The following PRELID2 variants were observed in gnomAD, a reference collection of about 807,000 sequenced individuals.
The protein encoded by PRELID2 is PRELI domain containing 2, also known as PRELI domain-containing protein 2.
In PRELID2, 25 loss-of-function variants were observed where a neutral mutation model predicts 28.4. The observed-to-expected ratio is 0.88, with a 90% CI of 0.64 to 1.23. PRELID2 has a LOEUF of 1.23. Among genes scored for constraint, PRELID2 ranks in the 50% most tolerant of loss-of-function variants. PRELID2 has a pLI of 0.00. For missense variants in PRELID2, 201 were observed against 214.4 expected (o/e 0.94, Z 0.39); for synonymous variants, 76 against 71.6 (o/e 1.06, Z -0.31).
the PRELID2 span, among the ~76,000 whole-genome samples, chr5:145,447,870 A>G: frequency 3.4e-5 from 5 of 147,912 alleles, no homozygotes; most frequent in African/African-American, 1.0e-4. Flanking sequence ...CCAGTCTATC[A>G]TTGTTGGACA....
rs369429281 is a variant in PRELID2, at chr5:145,824,425, C to CGTGTGTGTGTGTGT, written c.76-1305_76-1292dup. On this transcript the variant is annotated intron_variant, in intron 1 of 6. Transcript: ENST00000683046. Reference sequence around the variant, plus strand: ...ACTGTGGGTCTCCACCCACAGCAGGCGTGTGTGTGTGTGTGTGTGTGTGTG... The same window carrying CGTGTGTGTGTGTGT: ...ACTGTGGGTCTCCACCCACAGCAGGCGTGTGTGTGTGTGTGTGTGTGTGTGTGTGTGTGTGTGTG... Among the ~76,000 whole-genome samples the CGTGTGTGTGTGTGT allele has an allele frequency of 4.8e-3, 459 of 96,232 alleles. 4 individuals carry two copies. The highest frequency in any genetic ancestry group is 7.3e-3 in the African/African-American group (241 of 32,932). The allele number at this position is 96,232 out of a possible 152,430, so 63.1% of individuals were successfully genotyped here.
intron 1 of PRELID2, among the ~76,000 whole-genome samples, chr5:145,586,491 T>C (rs1264460357): frequency 6.6e-6 from 1 of 152,050 alleles, no homozygotes. Flanking sequence ...AAAGAAAAAT[T>C]AATAACATTG....
At position 145,508,370 on chromosome 5, in the gene PRELID2, T is replaced by A. The variant is rs1173658447; in HGVS notation, n.71-35055A>T. Among the ~76,000 whole-genome samples, 6 of 152,156 alleles carry A rather than the reference T, an allele frequency of 3.9e-5. No individual in the cohort carries two copies. In the East Asian group the frequency reaches 7.7e-4, roughly 20 times the overall value. On this transcript the variant is annotated intron_variant and non_coding_transcript_variant, in intron 1 of 2. Transcript: ENST00000510259. ...GTTGAAGTTGAAATAAACAGACATATAGTTGTATATGCTTAGAAAAGTTTT... is the reference window on the plus strand; with the variant it reads ...GTTGAAGTTGAAATAAACAGACATAAAGTTGTATATGCTTAGAAAAGTTTT...
At chr5:145,457,004 A>G in the PRELID2 span, among the ~76,000 whole-genome samples, 2 of 152,332 alleles carry the variant, frequency 1.3e-5, no homozygotes, top group East Asian at 1.9e-4. Flanking sequence ...AGATAATATA[A>G]TCACCTAAGA....
chr5:145,724,700 A>C (rs1399124412), intron 1 of PRELID2, among the ~76,000 whole-genome samples: 1 of 137,368 alleles, frequency 7.3e-6, no homozygotes, highest in Non-Finnish European at 1.6e-5. Flanking sequence ...AAATGAATGT[A>C]TGTGTATACA....
At chr5:145,809,037 T>C (rs1022335910) in intron 4 of PRELID2, among the ~76,000 whole-genome samples, 1 of 115,274 alleles carries the variant, frequency 8.7e-6, no homozygotes, top group African/African-American at 3.5e-5. Context: ...TTTTTTTTGC[T>C]TTTTTTTTTT....
At chr5:145,551,607 T>C (rs1415140092) in intron 1 of PRELID2, among the ~76,000 whole-genome samples, 1 of 152,192 alleles carries the variant, frequency 6.6e-6, no homozygotes, top group Non-Finnish European at 1.5e-5. Context: ...ATGATCATTC[T>C]ATTTTGGAAA....
chr5:145,501,308 A>T (rs1368641498), intron 1 of PRELID2, among the ~76,000 whole-genome samples: 1 of 152,128 alleles, frequency 6.6e-6, no homozygotes, highest in Non-Finnish European at 1.5e-5. Context: ...CTGCTACTTG[A>T]TTTAAAAGGT....
chr5:145,417,576 T>C, the PRELID2 span, among the ~76,000 whole-genome samples: 12 of 152,164 alleles, frequency 7.9e-5, no homozygotes, highest in Non-Finnish European at 1.6e-4. Flanking sequence ...ATCCCCAGGA[T>C]GCAAGGTTGG....
intron 1 of PRELID2, among the ~76,000 whole-genome samples, chr5:145,708,194 A>G (rs1755598194): frequency 6.6e-6 from 1 of 151,952 alleles, no homozygotes; most frequent in Admixed American, 6.6e-5. Flanking sequence ...TCCCTGTTTT[A>G]TATGTTGGGC....
exon 3 of PRELID2, chr5:145,472,010 G>C (rs1752059055): frequency 6.6e-6 from 1 of 152,112 alleles, no homozygotes; most frequent in Non-Finnish European, 1.5e-5. Flanking sequence ...TTCTGCTGAG[G>C]ATTCAGTTCC....
intron 1 of PRELID2, among the ~76,000 whole-genome samples, chr5:145,630,799 G>C (rs1399502097): frequency 6.6e-6 from 1 of 152,076 alleles, no homozygotes. Flanking sequence ...TCACCTTTTA[G>C]GTCAACATAT....
intron 4 of PRELID2, among the ~76,000 whole-genome samples, chr5:145,804,466 C>T (rs370657792): frequency 1.3e-3 from 197 of 152,174 alleles, no homozygotes; most frequent in African/African-American, 4.3e-3. Flanking sequence ...GCCGAGATCA[C>T]GCCATTGCAC....
At chr5:145,407,195 C>A in the PRELID2 span, among the ~76,000 whole-genome samples, 1 of 152,172 alleles carries the variant, frequency 6.6e-6, no homozygotes, top group African/African-American at 2.4e-5. Context: ...GCTTTCTCAG[C>A]AGGAAGGCTT....
At chr5:145,615,977 G>A (rs902937671) in intron 1 of PRELID2, among the ~76,000 whole-genome samples, 1 of 152,176 alleles carries the variant, frequency 6.6e-6, no homozygotes, top group African/African-American at 2.4e-5. Flanking sequence ...GAAAAAGACT[G>A]TATCTTTCCT....
chr5:145,532,504 C>T (rs1752661969), intron 1 of PRELID2, among the ~76,000 whole-genome samples: 1 of 152,062 alleles, frequency 6.6e-6, no homozygotes, highest in Non-Finnish European at 1.5e-5. Context: ...CTCTTAGTGA[C>T]TGTCAAGTAT....
intron 1 of PRELID2, among the ~76,000 whole-genome samples, chr5:145,566,086 A>G (rs17103398): frequency 0.07 from 10,711 of 152,182 alleles, 581 homozygotes; most frequent in Admixed American, 0.19. Flanking sequence ...AAAGCTTGGC[A>G]ATAATAATAA....
intron 4 of PRELID2, among the ~76,000 whole-genome samples, chr5:145,808,275 T>C (rs1395145670): frequency 6.6e-6 from 1 of 152,038 alleles, no homozygotes; most frequent in Non-Finnish European, 1.5e-5. Flanking sequence ...AAAGCAGGTA[T>C]GGAGGTCAAT....
chr5:145,811,003 T>C (rs987774099), intron 4 of PRELID2, among the ~76,000 whole-genome samples: 3 of 141,652 alleles, frequency 2.1e-5, no homozygotes, highest in Non-Finnish European at 3.0e-5. Context: ...AGCGGTTTAA[T>C]GGACTCACAG....
Sources: gnomAD v4.1 joint callset for allele counts (sites outside exome capture counted in the v4.1 genomes callset) on GRCh38, gnomAD v4.1.1 for gene constraint, MANE v1.5 for transcripts, NCBI Gene and HGNC (gene_info 2026-07-23, HGNC 2026-07-21) for gene names.